The following MYH15 variants were observed in gnomAD, a reference collection of about 807,000 sequenced individuals.
The protein encoded by MYH15 is myosin heavy chain 15, also known as myosin-15.
Under a neutral mutation model 240.5 loss-of-function variants are expected in MYH15, and 227 were observed. The observed-to-expected ratio is 0.94, with a 90% CI of 0.85 to 1.05. MYH15 has a LOEUF of 1.05. Among genes scored for constraint, MYH15 ranks in the 50% least tolerant of loss-of-function variants. MYH15 has a pLI of 0.00. For missense variants in MYH15, 2,217 were observed against 2,247.5 expected (o/e 0.99, Z 0.27); for synonymous variants, 785 against 796.7 (o/e 0.99, Z 0.25).
At chr3:108,408,123 C>T (rs948059919) in intron 32 of MYH15, among the ~76,000 whole-genome samples, 157 bp downstream of exon 32, 10 of 152,192 alleles carry the variant, frequency 6.6e-5, no homozygotes, top group Non-Finnish European at 1.0e-4. Flanking sequence ...TAGTTTCCTA[C>T]GGTGATTATA....
At chr3:108,387,738 C>A (rs566331505) in intron 38 of MYH15, among the ~76,000 whole-genome samples, 4 of 152,316 alleles carry the variant, frequency 2.6e-5, no homozygotes, top group Admixed American at 2.0e-4. Flanking sequence ...GCCACACATA[C>A]CATGGGCCCA....
chr3:108,386,444 C>G (rs969367781), intron 38 of MYH15, among the ~76,000 whole-genome samples: 8 of 152,104 alleles, frequency 5.3e-5, no homozygotes, highest in African/African-American at 1.7e-4. Context: ...CCTTTGGGAC[C>G]CGCCACAGCA....
chr3:108,465,306 C>T (rs2083105389), intron 14 of MYH15, among the ~76,000 whole-genome samples: 1 of 152,108 alleles, frequency 6.6e-6, no homozygotes, highest in African/African-American at 2.4e-5. Flanking sequence ...GCAAAGGCCC[C>T]GAGGCCAGAG....
At chr3:108,412,691 A>G (rs866349018) in intron 30 of MYH15, among the ~76,000 whole-genome samples, 3 of 152,250 alleles carry the variant, frequency 2.0e-5, no homozygotes, top group Admixed American at 6.5e-5. Context: ...GATATTGGAA[A>G]TTAAGAAACT....
upstream of MYH15, among the ~76,000 whole-genome samples, chr3:108,511,629 A>T (rs2083523443): frequency 6.6e-6 from 1 of 152,210 alleles, no homozygotes; most frequent in Non-Finnish European, 1.5e-5. Flanking sequence ...GGACAAAAAA[A>T]GTCTTCCTCT....
intron 2 of MYH15, among the ~76,000 whole-genome samples, chr3:108,504,992 C>T (rs988281232): frequency 6.6e-6 from 1 of 152,214 alleles, no homozygotes; most frequent in Non-Finnish European, 1.5e-5. Context: ...TTTGTCATTA[C>T]TGGCCATTCC....
At chr3:108,432,512 A>T (rs1260204952) in intron 25 of MYH15, among the ~76,000 whole-genome samples, 1 of 152,196 alleles carries the variant, frequency 6.6e-6, no homozygotes, top group Non-Finnish European at 1.5e-5. Context: ...GTTAATACCC[A>T]AGACAACTGG....
At chr3:108,460,157 T>A in intron 17 of MYH15, 143 bp downstream of exon 17, 1 of 661,428 alleles carries the variant, frequency 1.5e-6, no homozygotes, top group Non-Finnish European at 2.5e-6. Flanking sequence ...AAGCCCTTGA[T>A]AATAACAGCA....
chr3:108,537,805 G>A, the MYH15 span, among the ~76,000 whole-genome samples: 28,591 of 151,914 alleles, frequency 0.19, 3,427 homozygotes, highest in East Asian at 0.58. Flanking sequence ...TGGGAGACGG[G>A]GAAAAACAAA....
chr3:108,543,148 G>A, the MYH15 span, among the ~76,000 whole-genome samples: 2 of 152,088 alleles, frequency 1.3e-5, no homozygotes, highest in Non-Finnish European at 2.9e-5. Context: ...CAAAGTGCTG[G>A]GGTTACAGGC....
At chr3:108,414,511 G>T in intron 29 of MYH15, 83 bp from the exon 30 acceptor site, 1 of 1,270,138 alleles carries the variant, frequency 7.9e-7, no homozygotes. Context: ...TTTTTTTTAG[G>T]TAAGATTAAT....
At chr3:108,432,040 G>T (rs2082783444) in intron 25 of MYH15, among the ~76,000 whole-genome samples, 1 of 149,700 alleles carries the variant, frequency 6.7e-6, no homozygotes, top group African/African-American at 2.4e-5. Flanking sequence ...TGACTTGGGT[G>T]CTGTTAAATG....
Position 108,476,591 on chromosome 3 carries a change from A to T in MYH15, c.1115-76T>A, listed in dbSNP as rs1165026434. 4 of 937,954 alleles carry T rather than the reference A, an allele frequency of 4.3e-6. No homozygotes were observed. In the Admixed American group the frequency reaches 7.1e-5, roughly 17 times the overall value. 58.1% of individuals were successfully genotyped at this position (937,954 alleles called of 1,614,324 possible). A position where few individuals can be genotyped will look rare whatever the true frequency, so the allele number is the denominator to read the frequency against. Reference sequence around the variant, plus strand: ...GATTCATTCCATTATAGCCAAACTAACTACCCAGAGGACAGAAAGATAGTG... The same window carrying T: ...GATTCATTCCATTATAGCCAAACTATCTACCCAGAGGACAGAAAGATAGTG... On this transcript the variant is annotated intron_variant, in intron 11 of 40. Transcript: ENST00000693548.
rs766179051 is a variant in MYH15 at position 108,410,874 on chromosome 3, T to C, written c.4204A>G (p.Arg1402Gly). 6.2e-7 allele frequency: 1 copy of C among 1,612,044 alleles called. No homozygotes were observed. Among genetic ancestry groups the C allele is most frequent in the Non-Finnish European group, 8.5e-7 (1 of 1,178,290 alleles). ...CTGGCTCTCTCCAAGGAGGCATTTC[T>C]GGCATTGGCCACCCCCATGGCTTCG... is the stretch of plus-strand genomic sequence containing the variant. ...AAEAMGVANA[R>G]NASLERARHQ... is the part of the protein sequence containing the mutation. Residue 1402 changes from arginine to glycine, a missense_variant, in exon 31 of 41, where the codon AGA becomes GGA. By Grantham distance (125) the Arg-to-Gly change is moderately radical (BLOSUM62 -2). Coordinates refer to ENST00000693548, the MANE Select transcript of MYH15 (RefSeq NM_014981.3).
At chr3:108,422,374 T>C (rs147350552) in intron 27 of MYH15, among the ~76,000 whole-genome samples, 1 of 152,200 alleles carries the variant, frequency 6.6e-6, no homozygotes, top group South Asian at 2.1e-4. Flanking sequence ...TGCGCCACCA[T>C]GCCCAGCTAA....
At chr3:108,493,266 C>T (rs2083367328) in intron 7 of MYH15, 89 bp from the exon 8 acceptor site, 1 of 859,040 alleles carries the variant, frequency 1.2e-6, no homozygotes, top group Non-Finnish European at 1.9e-6. Flanking sequence ...TTATATGTAA[C>T]TCTCAAAAGG....
intron 12 of MYH15, among the ~76,000 whole-genome samples, chr3:108,472,146 G>C (rs562086420): frequency 6.6e-6 from 1 of 152,314 alleles, no homozygotes; most frequent in African/African-American, 2.4e-5. Context: ...GTGTGGAAAA[G>C]GTTCTAAAGT....
chr3:108,439,451 T>A (rs2082867635), intron 24 of MYH15, among the ~76,000 whole-genome samples: 1 of 152,184 alleles, frequency 6.6e-6, no homozygotes, highest in Admixed American at 6.6e-5. Flanking sequence ...GAAAAGCCAG[T>A]CACCTAGAGT....
upstream of MYH15, among the ~76,000 whole-genome samples, chr3:108,514,167 C>T (rs1169172379): frequency 2.0e-5 from 3 of 152,120 alleles, no homozygotes; most frequent in South Asian, 2.1e-4. Flanking sequence ...AGACAAGTCA[C>T]GAGCCCAGAT....
Sources: allele counts gnomAD v4.1 joint callset (sites outside exome capture counted in the v4.1 genomes callset), GRCh38; gene constraint gnomAD v4.1.1; transcripts MANE v1.5; gene names NCBI Gene and HGNC (gene_info 2026-07-23, HGNC 2026-07-21).